The following DHRS2 variants were observed in gnomAD, a reference collection of about 807,000 sequenced individuals.
The protein encoded by DHRS2 is dehydrogenase/reductase SDR family member 2, mitochondrial.
DHRS2 carries 29 observed loss-of-function variants against 26.3 expected under a neutral mutation model. That is an observed-to-expected ratio of 1.10 (90% CI 0.82 to 1.50). DHRS2 has a LOEUF of 1.50. Ranked by LOEUF, DHRS2 falls within the 40% of genes most tolerant of loss-of-function variation. The probability of loss-of-function intolerance (pLI) is 0.00; values close to 1 mark genes in which losing one functional copy is unlikely to be tolerated. For synonymous variants in DHRS2, 164 were observed against 151.3 expected (o/e 1.08, Z -0.62); for missense variants, 439 against 367.1 (o/e 1.20, Z -1.60).
upstream of DHRS2, among the ~76,000 whole-genome samples, chr14:23,635,812 G>A (rs576373618): frequency 7.9e-5 from 12 of 152,306 alleles, no homozygotes; most frequent in East Asian, 7.7e-4. Flanking sequence ...GAGAGGCGCC[G>A]GCAGGAGCCC....
chr14:23,640,141 T>A, intron 4 of DHRS2: 11 of 727,774 alleles, frequency 1.5e-5, no homozygotes, highest in Non-Finnish European at 2.0e-5. Context: ...CACTTTTTCA[T>A]TTAATCATTC....
Position 23,639,775 on chromosome 14 carries a change from T to G in DHRS2, c.319-19T>G. 1 of 1,593,370 alleles carries G rather than the reference T, an allele frequency of 6.3e-7. No homozygotes were observed. The highest frequency in any genetic ancestry group is 8.5e-7 in the Non-Finnish European group (1 of 1,169,894). On this transcript the variant is annotated intron_variant, in intron 3 of 8. Transcript: ENST00000250383. ...CCTCCTCAGGCCATCTCCACACTCA[T>G]CCAATCTCCTCTCCGCAGGCCCTGG...
chr14:23,641,547 A>G, intron 4 of DHRS2: 3 of 1,232,638 alleles, frequency 2.4e-6, no homozygotes, highest in Non-Finnish European at 3.1e-6. Flanking sequence ...GTCTTACCTC[A>G]GCCCCTCACT....
intron 3 of DHRS2, 147 bp downstream of exon 3, chr14:23,639,503 G>C: frequency 8.0e-7 from 1 of 1,249,772 alleles, no homozygotes; most frequent in Non-Finnish European, 1.1e-6. Flanking sequence ...TACCCAGAAG[G>C]TCCCTCAGGA....
chr14:23,644,925 C>T, intron 8 of DHRS2, 43 bp downstream of exon 8: 2 of 1,606,232 alleles, frequency 1.2e-6, no homozygotes, highest in Non-Finnish European at 1.7e-6. Context: ...TGTGGCTAGG[C>T]AGGGGCAGTT....
upstream of DHRS2, among the ~76,000 whole-genome samples, chr14:23,635,135 C>CT (rs571090718): frequency 6.2e-4 from 94 of 152,118 alleles, no homozygotes; most frequent in East Asian, 6.8e-3. Context: ...CAATCTCAGC[C>CT]TACCACAGCC....
upstream of DHRS2, among the ~76,000 whole-genome samples, chr14:23,632,658 T>A (rs1006518926): frequency 6.6e-6 from 1 of 152,162 alleles, no homozygotes; most frequent in African/African-American, 2.4e-5. Context: ...GGAACTGAGT[T>A]ATGCAAGAGT....
chr14:23,644,021 G>A lies in DHRS2; in HGVS notation c.489-90G>A, dbSNP rs1036112167. 4 of 1,336,096 alleles carry A rather than the reference G, an allele frequency of 3.0e-6. No homozygotes were observed. In the Admixed American group the frequency reaches 6.7e-5, roughly 22 times the overall value. 82.8% of individuals were successfully genotyped at this position (1,336,096 alleles called of 1,614,324 possible). ...GTAATAGGACCTGTGTTGCTTCTGT[G>A]AGGGTTGCATCATTTAATGAACTCA... On this transcript the variant is annotated intron_variant, in intron 5 of 8. Transcript: ENST00000250383.
intron 4 of DHRS2, chr14:23,641,436 T>G (rs542899674): frequency 5.2e-6 from 2 of 381,490 alleles, no homozygotes; most frequent in East Asian, 7.6e-5. Flanking sequence ...CTTGGCACAC[T>G]GAGCTACTCT....
intron 4 of DHRS2, chr14:23,641,741 A>G: frequency 7.8e-7 from 1 of 1,289,668 alleles, no homozygotes; most frequent in Non-Finnish European, 1.0e-6. Context: ...CCACACTGGT[A>G]ACCTGTCATC....
rs1337464503 is a variant in DHRS2 at position 23,643,050 on chromosome 14, T to G, written c.421-102T>G. 2.7e-6 allele frequency: 3 copies of G among 1,106,144 alleles called. No individual in the cohort carries two copies. The Admixed American group carries it at 5.3e-5, about 20-fold the overall frequency. 68.5% of individuals were successfully genotyped at this position (1,106,144 alleles called of 1,614,324 possible). A position where few individuals can be genotyped will look rare whatever the true frequency, so the allele number is the denominator to read the frequency against. On this transcript the variant is annotated intron_variant, in intron 4 of 8. Transcript: ENST00000250383. ...TGGTTTCTCTTATATGCACATACAT[T>G]GGGTCTACTGCACAAATTACAGGGC...
chr14:23,641,473 C>T, intron 4 of DHRS2: 1 of 556,740 alleles, frequency 1.8e-6, no homozygotes, highest in Non-Finnish European at 2.7e-6. Flanking sequence ...GGGCAGTTTT[C>T]TTCATCAAGG....
At chr14:23,645,120 A>G (rs1237133226) in intron 8 of DHRS2, 22 bp from the exon 9 acceptor site, 3 of 1,613,868 alleles carry the variant, frequency 1.9e-6, no homozygotes, top group Middle Eastern at 1.7e-4. Flanking sequence ...GATGCTTGAC[A>G]CTGTGTCCTT....
Position 23,639,366 on chromosome 14 carries a change from C to A in DHRS2, c.318+10C>A, listed in dbSNP as rs1890525848. The A allele has an allele frequency of 6.4e-7, 1 of 1,557,658 alleles. No individual in the cohort carries two copies. Among genetic ancestry groups the A allele is most frequent in the Non-Finnish European group, 8.7e-7 (1 of 1,154,204 alleles). On this transcript the variant is annotated intron_variant, in intron 3 of 8. Transcript: ENST00000250383. Reference sequence around the variant, plus strand: ...GCAGCTGGTGGCCAAGGTGAGGGGGCAGGCGGTGGAAGGACACAGAGAGGG... The same window carrying A: ...GCAGCTGGTGGCCAAGGTGAGGGGGAAGGCGGTGGAAGGACACAGAGAGGG...
chr14:23,643,114 GTC>G (rs952970074), intron 4 of DHRS2, 36 bp from the exon 5 acceptor site: 1 of 1,608,316 alleles, frequency 6.2e-7, no homozygotes, highest in Non-Finnish European at 8.5e-7. Context: ...GGCTGACCAT[GTC>G]TCTCTGCCCT....
At chr14:23,643,045 T>A (rs905514288) in intron 4 of DHRS2, 107 bp from the exon 5 acceptor site, 6 of 1,062,028 alleles carry the variant, frequency 5.6e-6, no homozygotes, top group Non-Finnish European at 8.6e-6. Flanking sequence ...TATATGCACA[T>A]ACATTGGGTC....
At chr14:23,637,000 T>C (rs1000664007) in intron 1 of DHRS2, among the ~76,000 whole-genome samples, 6 of 152,168 alleles carry the variant, frequency 3.9e-5, no homozygotes, top group African/African-American at 1.4e-4. Context: ...CCTGTACTTC[T>C]GGGCTGAGCT....
At chr14:23,644,192 G>A in intron 6 of DHRS2, 30 bp downstream of exon 6, 1 of 1,612,836 alleles carries the variant, frequency 6.2e-7, no homozygotes, top group Non-Finnish European at 8.5e-7. Context: ...GCTCCTGAGT[G>A]GTATAGGGTG....
chr14:23,639,643 C>G (rs934380682), intron 3 of DHRS2, 151 bp from the exon 4 acceptor site: 13 of 891,444 alleles, frequency 1.5e-5, no homozygotes, highest in East Asian at 6.1e-5. Context: ...TCTCTCAGTG[C>G]CTGGCCCCAG....
Sources: allele counts gnomAD v4.1 joint callset (sites outside exome capture counted in the v4.1 genomes callset), GRCh38; gene constraint gnomAD v4.1.1; transcripts MANE v1.5; gene names NCBI Gene and HGNC (gene_info 2026-07-23, HGNC 2026-07-21).